Variants in TNNI3K observed in about 807,000 individuals in gnomAD.
TNNI3K encodes serine/threonine-protein kinase TNNI3K.
A neutral mutation model predicts 114.5 loss-of-function variants in TNNI3K; 140 were observed. That is an observed-to-expected ratio of 1.22 (90% CI 1.07 to 1.41). The LOEUF (loss-of-function observed/expected upper bound fraction) is 1.41, where lower values mean the gene tolerates loss of function less well. TNNI3K is among the 40% of genes most tolerant of loss of function. The pLI, the probability that TNNI3K is intolerant of heterozygous loss-of-function variation, is 0.00. For missense variants in TNNI3K, 1,125 were observed against 1,007.6 expected, an observed-to-expected ratio of 1.12 and a Z score of -1.58; for synonymous variants, 347 against 347.5, an observed-to-expected ratio of 1.00 and a Z score of 0.02.
At chr1:74,301,568 A>G (rs374066061) in intron 5 of TNNI3K, among the ~76,000 whole-genome samples, 1 of 152,176 alleles carries the variant, frequency 6.6e-6, no homozygotes, top group African/African-American at 2.4e-5. Flanking sequence ...AAGTCCCCTA[A>G]AAAAGACTTG....
chr1:74,399,407 G>A (rs947748193), intron 17 of TNNI3K, among the ~76,000 whole-genome samples: 3 of 152,126 alleles, frequency 2.0e-5, no homozygotes, highest in Admixed American at 6.5e-5. Context: ...TAGGTTGAAA[G>A]GACTTCTGAC....
intron 11 of TNNI3K, among the ~76,000 whole-genome samples, chr1:74,360,314 G>T (rs1436065019): frequency 1.3e-5 from 2 of 151,858 alleles, no homozygotes; most frequent in Admixed American, 1.3e-4. Flanking sequence ...GTCTCAGCTT[G>T]ATATCATAAC....
intron 22 of TNNI3K, among the ~76,000 whole-genome samples, chr1:74,489,511 T>C (rs1668941075): frequency 6.6e-6 from 1 of 152,184 alleles, no homozygotes. Flanking sequence ...GCTTAAAAAT[T>C]GATAAGTAAA....
intron 23 of TNNI3K, among the ~76,000 whole-genome samples, chr1:74,504,063 G>T (rs1233869148): frequency 6.6e-6 from 1 of 152,146 alleles, no homozygotes; most frequent in African/African-American, 2.4e-5. Context: ...GCATCCCTAG[G>T]TGCATACCCA....
chr1:74,439,708 G>T lies in TNNI3K; in HGVS notation c.2011+86G>T. 4 of 1,570,484 alleles carry T rather than the reference G, an allele frequency of 2.5e-6. No individual in the cohort carries two copies. The East Asian group carries it at 6.8e-5, about 27-fold the overall frequency. Reference sequence around the variant, plus strand: ...TCAAGAAAATTTTTTTTCACAAAATGATTAGTCTCAGTGAGATGGCAAAAG... The same window carrying T: ...TCAAGAAAATTTTTTTTCACAAAATTATTAGTCTCAGTGAGATGGCAAAAG... On this transcript the variant is annotated intron_variant, in intron 20 of 24. Transcript: ENST00000326637.
chr1:74,433,008 T>A (rs1665966931), intron 17 of TNNI3K, among the ~76,000 whole-genome samples: 1 of 152,040 alleles, frequency 6.6e-6, no homozygotes. Context: ...TGGAAAAATG[T>A]TGAAAACACC....
intron 23 of TNNI3K, among the ~76,000 whole-genome samples, chr1:74,529,596 C>T (rs1327864947): frequency 1.3e-5 from 2 of 152,152 alleles, no homozygotes; most frequent in Non-Finnish European, 2.9e-5. Flanking sequence ...ATGGAAGAAT[C>T]AAATGATTGT....
At position 74,360,995 on chromosome 1, in the gene TNNI3K, A is replaced by T. The variant is rs143057435; in HGVS notation, c.1178-6261A>T. Among the ~76,000 whole-genome samples, 18 of 152,170 alleles carry T rather than the reference A, an allele frequency of 1.2e-4. No homozygotes were observed. The East Asian group carries it at 3.5e-3, about 29-fold the overall frequency. On this transcript the variant is annotated intron_variant, in intron 11 of 24. Coordinates refer to ENST00000326637, the MANE Select transcript of TNNI3K (RefSeq NM_015978.3). The stretch of plus-strand genomic sequence containing the variant: ...AAATCAGTAAGAGAGACAGGAAGAA[A>T]ATATTTTAGACAACATTCTTTTCCA...
At chr1:74,529,050 C>A (rs1646545378) in intron 23 of TNNI3K, among the ~76,000 whole-genome samples, 1 of 151,986 alleles carries the variant, frequency 6.6e-6, no homozygotes, top group Admixed American at 6.6e-5. Flanking sequence ...ATGACAGTGA[C>A]ATCAATAATA....
At chr1:74,330,359 T>C (rs985813300) in intron 5 of TNNI3K, among the ~76,000 whole-genome samples, 40 of 152,116 alleles carry the variant, frequency 2.6e-4, no homozygotes, top group Admixed American at 2.4e-3. Context: ...TAGACACTTA[T>C]CAGCCCAGAG....
chr1:74,348,133 C>G (rs536649362), intron 9 of TNNI3K, among the ~76,000 whole-genome samples: 76 of 152,236 alleles, frequency 5.0e-4, no homozygotes, highest in African/African-American at 1.7e-3. Context: ...GGTTTTAGGT[C>G]TAACATGTAA....
intron 5 of TNNI3K, among the ~76,000 whole-genome samples, chr1:74,276,883 G>A (rs910132436): frequency 4.6e-5 from 7 of 152,122 alleles, no homozygotes; most frequent in Non-Finnish European, 8.8e-5. Context: ...TAGACATGCT[G>A]ACTACAATTT....
intron 5 of TNNI3K, among the ~76,000 whole-genome samples, chr1:74,297,516 T>TGTGTGC (rs1553128489): frequency 3.5e-5 from 4 of 113,690 alleles, no homozygotes; most frequent in Non-Finnish European, 6.9e-5. Flanking sequence ...GTCCAGTGTG[T>TGTGTGC]GTGTGCGTGT....
intron 23 of TNNI3K, among the ~76,000 whole-genome samples, chr1:74,514,449 T>C (rs1227320083): frequency 3.3e-5 from 5 of 152,210 alleles, no homozygotes; most frequent in Admixed American, 2.6e-4. Context: ...TAATAGAAAT[T>C]GCTGTTGTTC....
At chr1:74,332,677 A>T (rs1224823558) in intron 6 of TNNI3K, among the ~76,000 whole-genome samples, 2 of 152,054 alleles carry the variant, frequency 1.3e-5, no homozygotes, top group African/African-American at 4.8e-5. Context: ...CGCTATTAAT[A>T]ATAAATAGAA....
chr1:74,321,925 G>A (rs533867628), intron 5 of TNNI3K, among the ~76,000 whole-genome samples: 1 of 152,090 alleles, frequency 6.6e-6, no homozygotes, highest in South Asian at 2.1e-4. Context: ...ACATGACATA[G>A]AGAAATCTCA....
chr1:74,540,256 G>A lies in TNNI3K; in HGVS notation c.2374G>A (p.Gly792Ser). 1 of 1,612,268 alleles carries A rather than the reference G, an allele frequency of 6.2e-7. No homozygotes were observed. Among genetic ancestry groups the A allele is most frequent in the Non-Finnish European group, 8.5e-7 (1 of 1,178,994 alleles). ...SQSAGQYSSQ[G>S]LSLEEMKRSL... ...CAGTGCTGGACAATATTCCTCTCAA[G>A]GTCTGTCTTTGGAGGAGATGAAAAG... The change falls in exon 24 of 25, where the codon GGT becomes AGT. Residue 792 changes from glycine (G) to serine (S), a missense_variant. Physicochemically the swap from Gly to Ser is moderately conservative, Grantham distance 56 (BLOSUM62 0). Coordinates refer to ENST00000326637, the MANE Select transcript of TNNI3K (RefSeq NM_015978.3).
intron 17 of TNNI3K, chr1:74,372,157 A>T (rs1483367976): frequency 6.6e-6 from 1 of 151,672 alleles, no homozygotes; most frequent in African/African-American, 2.4e-5. Flanking sequence ...TAAATAATAT[A>T]AACTATTGAT....
intron 7 of TNNI3K, among the ~76,000 whole-genome samples, chr1:74,338,765 C>T (rs1236432963): frequency 6.6e-6 from 1 of 152,094 alleles, no homozygotes; most frequent in Non-Finnish European, 1.5e-5. Flanking sequence ...AAACAAGGGC[C>T]ACTTTATTTC....
Sources: allele counts gnomAD v4.1 joint callset (sites outside exome capture counted in the v4.1 genomes callset), GRCh38; gene constraint gnomAD v4.1.1; transcripts MANE v1.5; gene names NCBI Gene and HGNC (gene_info 2026-07-23, HGNC 2026-07-21).